CSMD1: variants seen among roughly 807,000 people sequenced by gnomAD.
CSMD1 encodes CUB and sushi domain-containing protein 1.
A neutral mutation model predicts 417.5 loss-of-function variants in CSMD1; 213 were observed. That is an observed-to-expected ratio of 0.51 (90% confidence interval 0.46 to 0.57). The LOEUF (loss-of-function observed/expected upper bound fraction) is 0.57, where lower values mean the gene tolerates loss of function less well. Among genes scored for constraint, CSMD1 ranks in the 20% least tolerant of loss-of-function variants. CSMD1 has a pLI of 0.00. For synonymous variants in CSMD1, 2,862 were observed against 1,736.8 expected (o/e 1.65, Z -16.11); for missense variants, 6,923 against 4,529.7 (o/e 1.53, Z -15.17).
At chr8:3,333,167 CCT>C (rs1807020335) in intron 23 of CSMD1, among the ~76,000 whole-genome samples, 1 of 152,064 alleles carries the variant, frequency 6.6e-6, no homozygotes. Context: ...TGAAGAGGCC[CCT>C]GACACTCAGA....
chr8:3,326,007 G>T (rs1806505830), intron 23 of CSMD1, among the ~76,000 whole-genome samples: 1 of 152,176 alleles, frequency 6.6e-6, no homozygotes. Flanking sequence ...GTCCTAGACT[G>T]ACATGACCTC....
At chr8:3,610,755 C>G (rs1036773813) in intron 8 of CSMD1, among the ~76,000 whole-genome samples, 1 of 152,004 alleles carries the variant, frequency 6.6e-6, no homozygotes, top group Non-Finnish European at 1.5e-5. Context: ...GAATTGCATA[C>G]TTAATGCATC....
intron 2 of CSMD1, among the ~76,000 whole-genome samples, chr8:4,454,731 A>G (rs1283705159): frequency 6.6e-6 from 1 of 152,216 alleles, no homozygotes; most frequent in Non-Finnish European, 1.5e-5. Flanking sequence ...TAAATGGATA[A>G]AACTATACTC....
At chr8:4,010,544 C>A (rs1277040199) in intron 4 of CSMD1, among the ~76,000 whole-genome samples, 1 of 152,136 alleles carries the variant, frequency 6.6e-6, no homozygotes, top group Non-Finnish European at 1.5e-5. Context: ...CACCCTCTAT[C>A]TTCTCACTAC....
In CSMD1 at chr8:4,183,037, G is replaced by A. The variant is rs750850995; in HGVS notation, c.416-150938C>T. On this transcript the variant is annotated intron_variant, in intron 3 of 69. Coordinates refer to ENST00000635120, the MANE Select transcript of CSMD1 (RefSeq NM_033225.6). The stretch of plus-strand genomic sequence containing the variant: ...CATGGGATGAGTAGAAAGTACACGT[G>A]ATTGTGTTATATGCACAGATACCAC... 2.0e-5 allele frequency among the ~76,000 whole-genome samples: 3 copies of A among 152,170 alleles called. No homozygotes were observed. The East Asian group carries it at 5.8e-4, about 29-fold the overall frequency.
chr8:4,343,762 T>A lies in CSMD1; in HGVS notation c.415+76191A>T, dbSNP rs572462242. ...ATCATCTTGATGTGTGCACTGGGGCTCATCTTTCTCATCCTACACGTTCCG... is the reference window on the plus strand; with the variant it reads ...ATCATCTTGATGTGTGCACTGGGGCACATCTTTCTCATCCTACACGTTCCG... On this transcript the variant is annotated intron_variant, in intron 3 of 69. Coordinates refer to ENST00000635120, the MANE Select transcript of CSMD1 (RefSeq NM_033225.6). 5.4e-4 allele frequency among the ~76,000 whole-genome samples: 82 copies of A among 152,156 alleles called. 1 individual carries two copies. The South Asian group carries it at 0.017, about 31-fold the overall frequency.
At chr8:4,153,835 T>G (rs1796691589) in intron 3 of CSMD1, among the ~76,000 whole-genome samples, 4 of 152,324 alleles carry the variant, frequency 2.6e-5, no homozygotes, top group South Asian at 4.1e-4. Flanking sequence ...GAACGTCACA[T>G]GCAAGTGGTG....
At chr8:3,254,713 C>G (rs560505395) in intron 26 of CSMD1, among the ~76,000 whole-genome samples, 19 of 152,184 alleles carry the variant, frequency 1.2e-4, no homozygotes, top group Non-Finnish European at 2.6e-4. Flanking sequence ...CCTTGGTTTT[C>G]AGCTCCGTCA....
At chr8:3,201,188 A>T (rs1796972745) in intron 32 of CSMD1, among the ~76,000 whole-genome samples, 1 of 152,216 alleles carries the variant, frequency 6.6e-6, no homozygotes, top group Non-Finnish European at 1.5e-5. Context: ...ACATGTGAAC[A>T]CGTGTACATG....
chr8:4,644,673 T>G (rs1803406822), intron 1 of CSMD1, among the ~76,000 whole-genome samples: 1 of 152,218 alleles, frequency 6.6e-6, no homozygotes, highest in Non-Finnish European at 1.5e-5. Flanking sequence ...CCTCCCAAAG[T>G]ACTGGAATTA....
chr8:4,418,639 C>T (rs185045417), intron 3 of CSMD1, among the ~76,000 whole-genome samples: 3 of 152,152 alleles, frequency 2.0e-5, no homozygotes, highest in Non-Finnish European at 4.4e-5. Context: ...TTTAGAGATG[C>T]TTTTGTAATA....
At chr8:4,495,583 A>G (rs199656204) in intron 2 of CSMD1, among the ~76,000 whole-genome samples, 1 of 118,302 alleles carries the variant, frequency 8.5e-6, no homozygotes, top group Non-Finnish European at 2.0e-5. Context: ...TCAGAAAAAA[A>G]GAAAAAAAAG....
At chr8:4,969,668 G>C (rs1339388481) in intron 1 of CSMD1, among the ~76,000 whole-genome samples, 1 of 152,000 alleles carries the variant, frequency 6.6e-6, no homozygotes, top group East Asian at 1.9e-4. Context: ...TGATTTCGAG[G>C]TGTGTCAATA....
intron 23 of CSMD1, among the ~76,000 whole-genome samples, chr8:3,333,459 T>A (rs899828088): frequency 3.9e-5 from 6 of 152,232 alleles, no homozygotes; most frequent in Admixed American, 1.3e-4. Flanking sequence ...TCCCAACGTT[T>A]TTCTCAGCTA....
At chr8:3,188,827 G>C in intron 35 of CSMD1, 60 bp downstream of exon 35, 1 of 1,365,816 alleles carries the variant, frequency 7.3e-7, no homozygotes, top group Non-Finnish European at 9.6e-7. Flanking sequence ...AAGAATGAAA[G>C]AAAGAAGCCC....
intron 3 of CSMD1, among the ~76,000 whole-genome samples, chr8:4,184,234 A>G (rs936747405): frequency 2.6e-5 from 4 of 152,240 alleles, no homozygotes; most frequent in African/African-American, 7.2e-5. Flanking sequence ...CAGAGACAAT[A>G]TATTTATTTA....
rs374716964 is a variant in CSMD1, at chr8:4,741,941, T to C, written c.86-104383A>G. ...TTCGACTTCCTGGGCTCAAGGAATC[T>C]TCCCATCTTAGCCTCCAGAGAAGCT... On this transcript the variant is annotated intron_variant, in intron 1 of 69. Transcript: ENST00000635120. Among the ~76,000 whole-genome samples the C allele has an allele frequency of 6.2e-5, 9 of 144,848 alleles. No homozygotes were observed. In the South Asian group the frequency reaches 8.7e-4, roughly 14 times the overall value.
chr8:3,208,454 A>T (rs1428615122), intron 30 of CSMD1, among the ~76,000 whole-genome samples: 1 of 152,028 alleles, frequency 6.6e-6, no homozygotes, highest in African/African-American at 2.4e-5. Context: ...TTTAGTAGAG[A>T]TGGGATTTCA....
chr8:4,486,141 A>ATACGCACACG (rs1563223569), intron 2 of CSMD1, among the ~76,000 whole-genome samples: 1 of 31,284 alleles, frequency 3.2e-5, no homozygotes, highest in Non-Finnish European at 6.1e-5. Context: ...ATATATACAT[A>ATACGCACACG]CATATATATA....
Sources: allele counts gnomAD v4.1 joint callset (sites outside exome capture counted in the v4.1 genomes callset), GRCh38; gene constraint gnomAD v4.1.1; transcripts MANE v1.5; gene names NCBI Gene and HGNC (gene_info 2026-07-23, HGNC 2026-07-21).